CSMD1: variants seen among roughly 807,000 people sequenced by gnomAD.
The protein encoded by CSMD1 is CUB and sushi domain-containing protein 1.
Under a neutral mutation model 417.5 loss-of-function variants are expected in CSMD1, and 213 were observed. The ratio of observed to expected loss-of-function variants is 0.51; its 90% CI spans 0.46 to 0.57. The LOEUF is 0.57. Ranked by LOEUF, CSMD1 falls within the 20% of genes least tolerant of loss-of-function variation. The pLI is 0.00. For missense variants in CSMD1, 6,923 were observed against 4,529.7 expected (o/e 1.53, Z -15.17); for synonymous variants, 2,862 against 1,736.8 (o/e 1.65, Z -16.11).
At chr8:4,675,144 C>T (rs1435748498) in intron 1 of CSMD1, among the ~76,000 whole-genome samples, 1 of 152,180 alleles carries the variant, frequency 6.6e-6, no homozygotes, top group African/African-American at 2.4e-5. Context: ...TAACACATAA[C>T]ATTTATATAG....
intron 3 of CSMD1, among the ~76,000 whole-genome samples, chr8:4,303,300 T>G (rs13277586): frequency 6.6e-6 from 1 of 151,584 alleles, no homozygotes; most frequent in Non-Finnish European, 1.5e-5. Context: ...TTTACTTAGT[T>G]ATAACCTGGC....
intron 3 of CSMD1, among the ~76,000 whole-genome samples, chr8:4,265,203 T>C (rs1170274105): frequency 6.6e-6 from 1 of 152,082 alleles, no homozygotes; most frequent in African/African-American, 2.4e-5. Context: ...AGTGTAACAG[T>C]ATTTAAAAAT....
rs138861499 is a variant in CSMD1, at chr8:4,584,520, A to G, written c.302+52822T>C. On this transcript the variant is annotated intron_variant, in intron 2 of 69. Transcript: ENST00000635120. ...GGAAAGGGCTCTCTAACAACCCCCA[A>G]CTCTTCGGAGTTGGGACCGTTGGTT... Among the ~76,000 whole-genome samples the G allele has an allele frequency of 2.6e-3, 399 of 151,734 alleles. 6 individuals are homozygous for G. The East Asian group carries it at 0.036, about 14-fold the overall frequency.
chr8:3,507,274 C>T (rs1205604866), intron 10 of CSMD1, among the ~76,000 whole-genome samples: 1 of 152,072 alleles, frequency 6.6e-6, no homozygotes, highest in East Asian at 1.9e-4. Context: ...TCTGCCTTTA[C>T]TCATCTCATT....
chr8:4,174,403 G>A (rs1040433213), intron 3 of CSMD1, among the ~76,000 whole-genome samples: 1 of 151,992 alleles, frequency 6.6e-6, no homozygotes, highest in East Asian at 1.9e-4. Context: ...TTTAAATTAA[G>A]AGAAATTGCA....
chr8:4,540,090 C>A (rs1001021390), intron 2 of CSMD1, among the ~76,000 whole-genome samples: 2 of 152,100 alleles, frequency 1.3e-5, no homozygotes, highest in South Asian at 2.1e-4. Flanking sequence ...ATACGATTAT[C>A]GTGACACCAT....
chr8:3,002,967 T>G (rs1038076749), intron 52 of CSMD1, among the ~76,000 whole-genome samples: 3 of 152,264 alleles, frequency 2.0e-5, no homozygotes, highest in Non-Finnish European at 2.9e-5. Context: ...TCAGCAGGAT[T>G]GCCTAGTATC....
chr8:4,942,064 G>A (rs1008814820), intron 1 of CSMD1, among the ~76,000 whole-genome samples: 1 of 152,106 alleles, frequency 6.6e-6, no homozygotes, highest in Admixed American at 6.5e-5. Flanking sequence ...TCTACTTTAA[G>A]AATCTCTCTT....
intron 26 of CSMD1, among the ~76,000 whole-genome samples, chr8:3,263,794 A>G (rs934617980): frequency 6.6e-6 from 1 of 152,208 alleles, no homozygotes; most frequent in Non-Finnish European, 1.5e-5. Context: ...CTTCTCTGAC[A>G]CAAAGACACT....
At chr8:4,883,144 G>A (rs959577353) in intron 1 of CSMD1, among the ~76,000 whole-genome samples, 3 of 151,980 alleles carry the variant, frequency 2.0e-5, no homozygotes, top group Non-Finnish European at 4.4e-5. Context: ...ATTCAATATC[G>A]CAATGGGGCA....
chr8:3,387,745 C>G, intron 17 of CSMD1, 63 bp from the exon 18 acceptor site: 1 of 1,315,762 alleles, frequency 7.6e-7, no homozygotes, highest in Non-Finnish European at 1.0e-6. Context: ...ATAATAGAGA[C>G]CCACGCCATC....
intron 3 of CSMD1, among the ~76,000 whole-genome samples, chr8:4,157,370 T>C (rs751004074): frequency 4.6e-5 from 7 of 152,164 alleles, no homozygotes; most frequent in Non-Finnish European, 8.8e-5. Context: ...GAAGAAAATG[T>C]TTATTCACGC....
intron 1 of CSMD1, among the ~76,000 whole-genome samples, chr8:4,690,247 T>C (rs1430107168): frequency 2.6e-5 from 4 of 152,218 alleles, no homozygotes; most frequent in Non-Finnish European, 4.4e-5. Flanking sequence ...CCAACAAGTC[T>C]TAATGAAATT....
chr8:4,307,315 A>C (rs1227618627), intron 3 of CSMD1, among the ~76,000 whole-genome samples: 1 of 152,136 alleles, frequency 6.6e-6, no homozygotes, highest in Non-Finnish European at 1.5e-5. Flanking sequence ...CACAGGCATC[A>C]CACATGTCCA....
chr8:3,824,779 G>C (rs1384858060), intron 5 of CSMD1, among the ~76,000 whole-genome samples: 3 of 152,122 alleles, frequency 2.0e-5, no homozygotes, highest in African/African-American at 4.8e-5. Context: ...CAATATATTG[G>C]ACAGCAGAGT....
chr8:3,875,962 CTG>C (rs1415753954), intron 5 of CSMD1, among the ~76,000 whole-genome samples: 9 of 151,942 alleles, frequency 5.9e-5, no homozygotes, highest in African/African-American at 2.2e-4. Flanking sequence ...TATGGAGTAA[CTG>C]TAAAATTGCG....
At chr8:3,526,315 A>G (rs1004465396) in intron 10 of CSMD1, among the ~76,000 whole-genome samples, 2 of 146,802 alleles carry the variant, frequency 1.4e-5, no homozygotes, top group African/African-American at 5.1e-5. Flanking sequence ...TGTTTAAAAT[A>G]TATTTTTTTT....
chr8:4,909,220 G>A (rs1459103265), intron 1 of CSMD1, among the ~76,000 whole-genome samples: 1 of 152,100 alleles, frequency 6.6e-6, no homozygotes, highest in Non-Finnish European at 1.5e-5. Context: ...TGGTAGTGAG[G>A]GATGGTAGAG....
In CSMD1 at chr8:4,954,531, T is replaced by A. The variant is rs73659086; in HGVS notation, c.85+39801A>T. On this transcript the variant is annotated intron_variant, in intron 1 of 69. Transcript: ENST00000635120. ...CATTCCACCTCAATTCATCTATAGA[T>A]TTTATTTTTTTAAAAAATATGTTTA... 5.7e-4 allele frequency among the ~76,000 whole-genome samples: 87 copies of A among 152,308 alleles called. 1 individual carries two copies. Among genetic ancestry groups the A allele is most frequent in the African/African-American group, 2.0e-3 (85 of 41,562 alleles).
Sources: allele counts gnomAD v4.1 joint callset (sites outside exome capture counted in the v4.1 genomes callset), GRCh38; gene constraint gnomAD v4.1.1; transcripts MANE v1.5; gene names NCBI Gene and HGNC (gene_info 2026-07-23, HGNC 2026-07-21).